KIF26B: variants seen among roughly 807,000 people sequenced by gnomAD.
KIF26B encodes kinesin-like protein KIF26B.
Under a neutral mutation model 151.2 loss-of-function variants are expected in KIF26B, and 63 were observed. The ratio of observed to expected loss-of-function variants is 0.42; its 90% CI spans 0.34 to 0.51. The LOEUF (loss-of-function observed/expected upper bound fraction) is 0.51, where lower values mean the gene tolerates loss of function less well. Among genes scored for constraint, KIF26B ranks in the 20% least tolerant of loss-of-function variants. The probability of loss-of-function intolerance (pLI) is 0.07; values close to 1 mark genes in which losing one functional copy is unlikely to be tolerated. For missense variants in KIF26B, 2,813 were observed against 2,913.6 expected (o/e 0.97, Z 0.79); for synonymous variants, 1,357 against 1,262.1 (o/e 1.08, Z -1.59).
intron 4 of KIF26B, among the ~76,000 whole-genome samples, chr1:245,481,104 A>T (rs968673387): frequency 6.6e-6 from 1 of 151,880 alleles, no homozygotes; most frequent in Non-Finnish European, 1.5e-5. Context: ...CCTATTTAAA[A>T]TGCCACCTAT....
Position 245,480,276 on chromosome 1 carries a change from G to GC in KIF26B, c.1167-60491_1167-60490insC, listed in dbSNP as rs200130573. Reference sequence around the variant, plus strand: ...CCTGAGCAACAAAGACCCTGTCTCGGGGGGGAGGAAAGAAAAAAAACTGCC... The same window carrying GC: ...CCTGAGCAACAAAGACCCTGTCTCGGCGGGGGAGGAAAGAAAAAAAACTGCC... On this transcript the variant is annotated intron_variant, in intron 4 of 14. Coordinates refer to ENST00000407071, the MANE Select transcript of KIF26B (RefSeq NM_018012.4). 8.0e-5 allele frequency among the ~76,000 whole-genome samples: 12 copies of GC among 150,840 alleles called. No individual in the cohort carries two copies. In the East Asian group the frequency reaches 1.7e-3, roughly 22 times the overall value.
intron 9 of KIF26B, among the ~76,000 whole-genome samples, chr1:245,613,422 G>A (rs2043549310): frequency 6.6e-6 from 1 of 152,088 alleles, no homozygotes; most frequent in Non-Finnish European, 1.5e-5. Flanking sequence ...GGCCAACATG[G>A]AGAAACCCCG....
intron 2 of KIF26B, among the ~76,000 whole-genome samples, chr1:245,205,907 A>G (rs950038378): frequency 6.7e-6 from 1 of 149,638 alleles, no homozygotes; most frequent in Admixed American, 6.7e-5. Context: ...CTAATTTAAA[A>G]AACTTTTTTT....
At chr1:245,467,223 T>G (rs1659812822) in intron 4 of KIF26B, among the ~76,000 whole-genome samples, 1 of 152,180 alleles carries the variant, frequency 6.6e-6, no homozygotes, top group Admixed American at 6.5e-5. Flanking sequence ...TCTTAGGCAT[T>G]TATACCCCCA....
chr1:245,699,344 G>A (rs956234095), intron 14 of KIF26B, among the ~76,000 whole-genome samples: 11 of 152,042 alleles, frequency 7.2e-5, no homozygotes, highest in Admixed American at 7.2e-4. Flanking sequence ...AGACATGAAG[G>A]CTGTATTACA....
intron 2 of KIF26B, among the ~76,000 whole-genome samples, chr1:245,231,906 C>T (rs963957136): frequency 6.6e-6 from 1 of 152,032 alleles, no homozygotes; most frequent in Non-Finnish European, 1.5e-5. Flanking sequence ...TCAAAGTTAT[C>T]GAAAAAAAAG....
intron 4 of KIF26B, among the ~76,000 whole-genome samples, chr1:245,435,035 TCATCCATC>T: frequency 2.4e-5 from 2 of 84,346 alleles, no homozygotes; most frequent in South Asian, 8.9e-4. Flanking sequence ...ATCCACCCAT[TCATCCATC>T]CATCCATCTC....
At chr1:245,584,418 C>T (rs1228409501) in intron 5 of KIF26B, among the ~76,000 whole-genome samples, 1 of 152,178 alleles carries the variant, frequency 6.6e-6, no homozygotes, top group Non-Finnish European at 1.5e-5. Context: ...ATGAAATAAA[C>T]ATTGACCGTC....
At chr1:245,369,991 CTTTT>C (rs969469661) in intron 3 of KIF26B, among the ~76,000 whole-genome samples, 1 of 151,782 alleles carries the variant, frequency 6.6e-6, no homozygotes, top group East Asian at 1.9e-4. Flanking sequence ...GGATAATTTG[CTTTT>C]TTTTGTTTGC....
At chr1:245,489,166 G>C (rs190182498) in intron 4 of KIF26B, among the ~76,000 whole-genome samples, 1 of 152,122 alleles carries the variant, frequency 6.6e-6, no homozygotes, top group East Asian at 1.9e-4. Context: ...TTATAAATGC[G>C]CTCATCATAA....
chr1:245,602,486 T>A lies in KIF26B; in HGVS notation c.1351-91T>A. 1.1e-6 allele frequency: 1 copy of A among 936,480 alleles called. No homozygotes were observed. Among genetic ancestry groups the A allele is most frequent in the Admixed American group, 2.1e-5 (1 of 48,612 alleles). 58.0% of individuals were successfully genotyped at this position (936,480 alleles called of 1,614,324 possible). ...ATCCTGAGAAAGTTCAGTGCTGCCATGTGCATGTATATCGCAGAGTATACA... is the reference window on the plus strand; with the variant it reads ...ATCCTGAGAAAGTTCAGTGCTGCCAAGTGCATGTATATCGCAGAGTATACA... On this transcript the variant is annotated intron_variant, in intron 5 of 14. Transcript: ENST00000407071. This position sits in a 1 kb window ranked among gnomAD's most constrained non-coding sequence, Gnocchi z 4.5.
rs371424720 is a variant in KIF26B, at chr1:245,702,571, A to C, written c.6292A>C (p.Ile2098Leu). The change falls in exon 15 of 15, where the codon ATC (isoleucine) becomes CTC (leucine). Residue 2098 changes from isoleucine (I) to leucine (L), a missense_variant. Transcript: ENST00000407071. The surrounding 1 kb of genome is among the most constrained non-coding windows in gnomAD (Gnocchi z 4.1). ...VNFCKAHLMM[I>L]TCFDITSRRR Reference sequence around the variant, plus strand: ...CTTCTGCAAGGCCCATCTCATGATGATCACCTGCTTCGACATCACCTCCAG... The same window carrying C: ...CTTCTGCAAGGCCCATCTCATGATGCTCACCTGCTTCGACATCACCTCCAG... 4 of 1,613,806 alleles carry C rather than the reference A, an allele frequency of 2.5e-6. No individual in the cohort carries two copies. The highest frequency in any genetic ancestry group is 3.4e-6 in the Non-Finnish European group (4 of 1,179,888).
chr1:245,427,350 G>A (rs902812735), intron 4 of KIF26B, among the ~76,000 whole-genome samples: 3 of 152,250 alleles, frequency 2.0e-5, no homozygotes, highest in Non-Finnish European at 4.4e-5. Context: ...GCTCACACCT[G>A]TAATCCCAGC....
intron 2 of KIF26B, among the ~76,000 whole-genome samples, chr1:245,188,548 C>A (rs1316222521): frequency 6.6e-6 from 1 of 152,172 alleles, no homozygotes; most frequent in Non-Finnish European, 1.5e-5. Context: ...AAGGAACTAG[C>A]TCCCAAGTTA....
chr1:245,349,402 A>G (rs1297405950), intron 2 of KIF26B, among the ~76,000 whole-genome samples: 1 of 152,160 alleles, frequency 6.6e-6, no homozygotes, highest in Non-Finnish European at 1.5e-5. Flanking sequence ...TAATGGATGG[A>G]AATAATTTAA....
rs529622986 is a variant in KIF26B at position 245,391,293 on chromosome 1, G to A, written c.999+23926G>A. Among the ~76,000 whole-genome samples the A allele has an allele frequency of 3.3e-5, 5 of 152,228 alleles. 1 individual carries two copies. Among genetic ancestry groups the A allele is most frequent in the African/African-American group, 1.2e-4 (5 of 41,536 alleles). ...TAATAGTTTCAGATTGCTCATTTCA[G>A]TGAAATTTTAAGAAACTACCACTTG... On this transcript the variant is annotated intron_variant, in intron 3 of 14. Coordinates refer to ENST00000407071, the MANE Select transcript of KIF26B (RefSeq NM_018012.4).
chr1:245,486,276 T>A (rs188745332), intron 4 of KIF26B, among the ~76,000 whole-genome samples: 5 of 152,348 alleles, frequency 3.3e-5, no homozygotes, highest in Non-Finnish European at 7.3e-5. Context: ...CTGCCTCTTT[T>A]TACGAGGGTC....
intron 9 of KIF26B, among the ~76,000 whole-genome samples, chr1:245,626,934 T>A (rs1168480660): frequency 2.6e-5 from 4 of 152,206 alleles, no homozygotes; most frequent in Non-Finnish European, 5.9e-5. Context: ...CGGTCTAGTT[T>A]CACCCTTCTG....
At chr1:245,460,961 T>C (rs1659633540) in intron 4 of KIF26B, among the ~76,000 whole-genome samples, 1 of 151,878 alleles carries the variant, frequency 6.6e-6, no homozygotes, top group East Asian at 1.9e-4. Flanking sequence ...TAGTAAGGAG[T>C]GAGGCTGATG....
Sources: gnomAD v4.1 joint callset for allele counts (sites outside exome capture counted in the v4.1 genomes callset) on GRCh38, gnomAD v4.1.1 for gene constraint, Gnocchi (gnomAD v3.1) non-coding constraint, MANE v1.5 for transcripts, NCBI Gene and HGNC (gene_info 2026-07-23, HGNC 2026-07-21) for gene names.